NXPH4: variants seen among roughly 807,000 people sequenced by gnomAD.
NXPH4 encodes neurexophilin-4.
In NXPH4, 8 loss-of-function variants were observed where a neutral mutation model predicts 21.3. The ratio of observed to expected loss-of-function variants is 0.38; its 90% CI spans 0.22 to 0.68. NXPH4 has a LOEUF of 0.68. Ranked by LOEUF, NXPH4 falls within the 30% of genes least tolerant of loss-of-function variation. NXPH4 has a pLI of 0.53. For synonymous variants in NXPH4, 219 were observed against 192.6 expected (o/e 1.14, Z -1.13); for missense variants, 418 against 416.8 (o/e 1.00, Z -0.03).
At position 57,225,525 on chromosome 12, in the gene NXPH4, G is replaced by T; in HGVS notation, c.705G>T (p.Val235=). 6.2e-7 allele frequency: 1 copy of T among 1,612,738 alleles called. No homozygotes were observed. The highest frequency in any genetic ancestry group is 2.2e-5 in the East Asian group (1 of 44,858). Residue 235 remains valine (V), a synonymous_variant, in exon 2 of 2, where the codon GTG becomes GTT. Coordinates refer to ENST00000349394, the MANE Select transcript of NXPH4 (RefSeq NM_007224.4). ...AGTCACGCGCTTTCAATTGCCACGTGGAGTATGAGAAGACAAACCGCGCGC... is the reference window on the plus strand; with the variant it reads ...AGTCACGCGCTTTCAATTGCCACGTTGAGTATGAGAAGACAAACCGCGCGC... ...AKESRAFNCH[V]EYEKTNRARK... is the part of the protein sequence containing the mutation.
rs549105121 is a variant in NXPH4 at position 57,216,833 on chromosome 12, GCCGCCGCTCCCGCCGCTCCCGCCGCTC to G, written c.-123_-97del. The G allele has an allele frequency of 5.4e-5, 14 of 258,752 alleles. No homozygotes were observed. The highest frequency in any genetic ancestry group is 1.2e-4 in the African/African-American group (5 of 40,132). 16.0% of individuals were successfully genotyped at this position (258,752 alleles called of 1,614,324 possible). On this transcript the variant is annotated 5_prime_UTR_variant, in exon 1 of 2. Transcript: ENST00000349394. This position sits in a 1 kb window ranked among gnomAD's most constrained non-coding sequence, Gnocchi z 5.3. ...GCCTCGCGCCCAGTCCGCGGGCCGC[GCCGCCGCTCCCGCCGCTCCCGCCGCTC>G]CCGCCGCTCCCGCAGCCGCCCCGCC...
At chr12:57,224,270 C>T (rs375945414) in intron 1 of NXPH4, among the ~76,000 whole-genome samples, 16 of 152,156 alleles carry the variant, frequency 1.1e-4, no homozygotes, top group East Asian at 3.9e-4. Flanking sequence ...GGACTACAGG[C>T]GCACCCCAGA....
In NXPH4 at chr12:57,216,974, G is replaced by A. The variant is rs1331395614; in HGVS notation, c.5G>A (p.Arg2Gln). The A allele has an allele frequency of 1.0e-5, 16 of 1,599,624 alleles. No homozygotes were observed. The highest frequency in any genetic ancestry group is 2.3e-5 in the South Asian group (2 of 88,882). Residue 2 changes from arginine to glutamine, a missense_variant, in exon 1 of 2, where the codon CGG becomes CAG. Physicochemically the swap from Arg to Gln is conservative, Grantham distance 43. Transcript: ENST00000349394. The surrounding 1 kb of genome is among the most constrained non-coding windows in gnomAD (Gnocchi z 5.3). MRLLPEWFLLLF... is the reference protein window; with the variant it reads MQLLPEWFLLLF... ...CCCGCTCAGCCGCCAGAGAAGATGC[G>A]GCTGCTCCCGGAATGGTTCCTCTTG...
Position 57,226,049 on chromosome 12 carries a change from C to T in NXPH4, c.*302C>T, listed in dbSNP as rs1209814541. Reference sequence around the variant, plus strand: ...GTCCCCTGGGTCCACAGTGGGTCCCCTTTTCACCCTTGGCGCTAGGCTGCG... The same window carrying T: ...GTCCCCTGGGTCCACAGTGGGTCCCTTTTTCACCCTTGGCGCTAGGCTGCG... On this transcript the variant is annotated 3_prime_UTR_variant, in exon 2 of 2. Coordinates refer to ENST00000349394, the MANE Select transcript of NXPH4 (RefSeq NM_007224.4). 6.4e-6 allele frequency: 5 copies of T among 775,548 alleles called. No homozygotes were observed. Among genetic ancestry groups the T allele is most frequent in the Non-Finnish European group, 9.5e-6 (5 of 524,066 alleles). 48.0% of individuals were successfully genotyped at this position (775,548 alleles called of 1,614,324 possible). A position where few individuals can be genotyped will look rare whatever the true frequency, so the allele number is the denominator to read the frequency against.
chr12:57,221,222 G>A (rs535134193), intron 1 of NXPH4: 54 of 412,932 alleles, frequency 1.3e-4, no homozygotes, highest in African/African-American at 1.1e-3. Flanking sequence ...CTCGTTCCCA[G>A]CCAGACTCCA....
intron 1 of NXPH4, among the ~76,000 whole-genome samples, chr12:57,223,807 C>A (rs2037114735): frequency 6.6e-6 from 1 of 152,246 alleles, no homozygotes; most frequent in Non-Finnish European, 1.5e-5. Flanking sequence ...GGCCCGGCCG[C>A]TCCTGCCTCT....
chr12:57,224,912 CG>C lies in NXPH4; in HGVS notation c.93del (p.Gln32SerfsTer28). 8.0e-7 allele frequency: 1 copy of C among 1,248,832 alleles called. No individual in the cohort carries two copies. The allele number at this position is 1,248,832 out of a possible 1,614,324, so 77.4% of individuals were successfully genotyped here. A position where few individuals can be genotyped will look rare whatever the true frequency, so the allele number is the denominator to read the frequency against. On this transcript the variant is annotated frameshift_variant, in exon 2 of 2. Coordinates refer to ENST00000349394, the MANE Select transcript of NXPH4 (RefSeq NM_007224.4). LOFTEE classifies it high-confidence loss of function. ...GCCCAGATACCAGAGTCCGGAAGGCCGCAGTACCTGGGGCTGCGCCCCGCCG... is the reference window on the plus strand; with the variant it reads ...GCCCAGATACCAGAGTCCGGAAGGCCCAGTACCTGGGGCTGCGCCCCGCCG... ...VSAQIPESGR[P>X]QYLGLRPAAA...
rs1409446399 is a variant in NXPH4, at chr12:57,224,966, A to C, written c.146A>C (p.Gln49Pro). ...AAAGAGAPGQ[Q>P]LPEPRSSDGL... is the part of the protein sequence containing the mutation. ...GCCGGAGCGGGTGCCCCCGGCCAGCAGCTCCCAGAGCCAAGGTCTTCGGAC... is the reference window on the plus strand; with the variant it reads ...GCCGGAGCGGGTGCCCCCGGCCAGCCGCTCCCAGAGCCAAGGTCTTCGGAC... The change falls in exon 2 of 2, where the codon CAG becomes CCG. Residue 49 changes from glutamine (Q) to proline (P), a missense_variant. By Grantham distance (76) the Gln-to-Pro change is moderately conservative (BLOSUM62 -1). Coordinates refer to ENST00000349394, the MANE Select transcript of NXPH4 (RefSeq NM_007224.4). 4.2e-6 allele frequency: 6 copies of C among 1,419,106 alleles called. No individual in the cohort carries two copies. Among genetic ancestry groups the C allele is most frequent in the South Asian group, 1.5e-5 (1 of 66,146 alleles). The allele number at this position is 1,419,106 out of a possible 1,614,324, so 87.9% of individuals were successfully genotyped here.
At position 57,225,742 on chromosome 12, in the gene NXPH4, G is replaced by C; in HGVS notation, c.922G>C (p.Gly308Arg). The change falls in exon 2 of 2, where the codon GGA (glycine) becomes CGA (arginine). Residue 308 changes from glycine (G) to arginine (R), a missense_variant. Coordinates refer to ENST00000349394, the MANE Select transcript of NXPH4 (RefSeq NM_007224.4). ...YNFQSEHPYF[G>R] ...CTTCCAGAGTGAGCACCCCTACTTC[G>C]GATAGCGCCCCTCCCCAGCCAGTCC... is the stretch of plus-strand genomic sequence containing the variant. 2 of 1,608,440 alleles carry C rather than the reference G, an allele frequency of 1.2e-6. No homozygotes were observed. The highest frequency in any genetic ancestry group is 1.7e-6 in the Non-Finnish European group (2 of 1,176,216).
rs1367165260 is a variant in NXPH4 at position 57,225,161 on chromosome 12, G to T, written c.341G>T (p.Arg114Leu). The T allele has an allele frequency of 3.2e-6, 5 of 1,581,954 alleles. No homozygotes were observed. The highest frequency in any genetic ancestry group is 4.3e-6 in the Non-Finnish European group (5 of 1,163,614). ...TTCGGCTGGGGGGACTTCTACTTTC[G>T]GGTGCATACCCTCAAGTTTTCGCTG... The part of the protein sequence containing the change: ...KIFGWGDFYF[R>L]VHTLKFSLLV... The change falls in exon 2 of 2, where the codon CGG (arginine) becomes CTG (leucine). Residue 114 changes from arginine to leucine, a missense_variant. By Grantham distance (102) the Arg-to-Leu change is moderately radical (BLOSUM62 -2). Transcript: ENST00000349394.
At chr12:57,220,850 A>G (rs1176495191) in intron 1 of NXPH4, among the ~76,000 whole-genome samples, 1 of 151,680 alleles carries the variant, frequency 6.6e-6, no homozygotes, top group African/African-American at 2.4e-5. Flanking sequence ...GTTTCTGCCC[A>G]GTAACCATCC....
Position 57,225,732 on chromosome 12 carries a change from C to T in NXPH4, c.912C>T (p.His304=), listed in dbSNP as rs755349277. 1.2e-6 allele frequency: 2 copies of T among 1,610,504 alleles called. No individual in the cohort carries two copies. Among genetic ancestry groups the T allele is most frequent in the South Asian group, 1.1e-5 (1 of 91,058 alleles). Residue 304 remains histidine, a synonymous_variant, in exon 2 of 2, where the codon CAC becomes CAT. Transcript: ENST00000349394. The part of the protein sequence containing the change: ...VCPDYNFQSE[H]PYFG ...CAGACTATAACTTCCAGAGTGAGCA[C>T]CCCTACTTCGGATAGCGCCCCTCCC...
Position 57,216,805 on chromosome 12 carries a change from C to G in NXPH4, c.-165C>G. On this transcript the variant is annotated 5_prime_UTR_variant, in exon 1 of 2. Transcript: ENST00000349394. This position sits in a 1 kb window ranked among gnomAD's most constrained non-coding sequence, Gnocchi z 5.3. ...CGCGCCCCGCCCCCAGCGCCGGCTC[C>G]GCGCCTCGCGCCCAGTCCGCGGGCC... is the stretch of plus-strand genomic sequence containing the variant. 1 of 233,662 alleles carries G rather than the reference C, an allele frequency of 4.3e-6. No homozygotes were observed. Among genetic ancestry groups the G allele is most frequent in the Non-Finnish European group, 6.6e-6 (1 of 150,906 alleles). 14.5% of individuals were successfully genotyped at this position (233,662 alleles called of 1,614,324 possible).
chr12:57,224,115 CCTTTT>C (rs1256798440), intron 1 of NXPH4, among the ~76,000 whole-genome samples: 1 of 151,916 alleles, frequency 6.6e-6, no homozygotes, highest in African/African-American at 2.4e-5. Flanking sequence ...CTTTTCCTTT[CCTTTT>C]TTCTTTTCTT....
In NXPH4 at chr12:57,224,085, G is replaced by A. The variant is rs890989419; in HGVS notation, c.58-793G>A. Among the ~76,000 whole-genome samples the A allele has an allele frequency of 3.9e-5, 6 of 152,294 alleles. 1 individual carries two copies. The East Asian group carries it at 1.2e-3, about 29-fold the overall frequency. On this transcript the variant is annotated intron_variant, in intron 1 of 1. Transcript: ENST00000349394. ...GGGCTCTGGTCTCTGAGGTCCTGGA[G>A]CCTCTTTCTTTTTCTTTTTCTTTTC...
rs144871725 is a variant in NXPH4 at position 57,225,360 on chromosome 12, C to T, written c.540C>T (p.Leu180=). The part of the protein sequence containing the change: ...GPVPHPLQST[L]ALEGVLPGLG... ...TCCCCCACCCTCTGCAGTCTACGCT[C>T]GCCCTGGAGGGGGTGCTTCCTGGGC... Residue 180 remains leucine, a synonymous_variant, in exon 2 of 2, where the codon CTC becomes CTT. Transcript: ENST00000349394. 126 of 1,584,200 alleles carry T rather than the reference C, an allele frequency of 8.0e-5. No individual in the cohort carries two copies. In the African/African-American group the frequency reaches 1.1e-3, roughly 14 times the overall value.
At position 57,225,505 on chromosome 12, in the gene NXPH4, C is replaced by G. The variant is rs1565764619; in HGVS notation, c.685C>G (p.Arg229Gly). 2 of 1,611,020 alleles carry G rather than the reference C, an allele frequency of 1.2e-6. No homozygotes were observed. The highest frequency in any genetic ancestry group is 1.7e-6 in the Non-Finnish European group (2 of 1,179,454). Residue 229 changes from arginine to glycine, a missense_variant, in exon 2 of 2, where the codon CGC becomes GGC. Coordinates refer to ENST00000349394, the MANE Select transcript of NXPH4 (RefSeq NM_007224.4). ...GGGAGTGCCTGGGGCCAAAGAGTCACGCGCTTTCAATTGCCACGTGGAGTA... is the reference window on the plus strand; with the variant it reads ...GGGAGTGCCTGGGGCCAAAGAGTCAGGCGCTTTCAATTGCCACGTGGAGTA... ...ALGVPGAKES[R>G]AFNCHVEYEK...
chr12:57,225,900 C>T lies in NXPH4; in HGVS notation c.*153C>T, dbSNP rs1592676232. 3.5e-6 allele frequency: 5 copies of T among 1,442,754 alleles called. No individual in the cohort carries two copies. The highest frequency in any genetic ancestry group is 4.5e-6 in the Non-Finnish European group (5 of 1,103,314). 89.4% of individuals were successfully genotyped at this position (1,442,754 alleles called of 1,614,324 possible). A position where few individuals can be genotyped will look rare whatever the true frequency, so the allele number is the denominator to read the frequency against. ...ATGGCTTCTCGGGACCCTCAGCTAG[C>T]GTGGGTGCCCTTTTCCTTATGCGGA... On this transcript the variant is annotated 3_prime_UTR_variant, in exon 2 of 2. Transcript: ENST00000349394.
intron 1 of NXPH4, chr12:57,221,475 C>T (rs1274254536): frequency 1.5e-5 from 6 of 393,048 alleles, no homozygotes. Flanking sequence ...CAGTGTCATC[C>T]CCAAAGAGCC....
Sources: gnomAD v4.1 joint callset for allele counts (sites outside exome capture counted in the v4.1 genomes callset) on GRCh38, gnomAD v4.1.1 for gene constraint, Gnocchi (gnomAD v3.1) non-coding constraint, MANE v1.5 for transcripts, NCBI Gene and HGNC (gene_info 2026-07-23, HGNC 2026-07-21) for gene names.